Variants in DMD observed in about 807,000 individuals in gnomAD.
The protein encoded by DMD is dystrophin, also known as mutant dystrophin.
Under a neutral mutation model 330.1 loss-of-function variants are expected in DMD, and 63 were observed. The ratio of observed to expected loss-of-function variants is 0.19; its 90% confidence interval spans 0.16 to 0.24. The LOEUF (loss-of-function observed/expected upper bound fraction) is 0.24. Among genes scored for constraint, DMD ranks in the 10% least tolerant of loss-of-function variants. The probability of loss-of-function intolerance (pLI) is 1.00; values close to 1 mark genes in which losing one functional copy is unlikely to be tolerated. For missense variants in DMD, 3,344 were observed against 2,684.1 expected, an observed-to-expected ratio of 1.25 and a Z score of -5.43; for synonymous variants, 1,223 against 959.8, an observed-to-expected ratio of 1.27 and a Z score of -5.07.
At chrX:33,159,734 T>C (rs2048680092) in intron 1 of DMD, 1 of 111,906 alleles carries the variant, frequency 8.9e-6, no homozygotes, top group African/African-American at 3.3e-5. Context: ...GGAATAGTGC[T>C]GCAATAAACA....
intron 2 of DMD, among the ~76,000 whole-genome samples, chrX:32,971,293 G>A (rs1035627625): frequency 2.7e-5 from 3 of 111,421 alleles, no homozygotes; most frequent in African/African-American, 9.8e-5. Flanking sequence ...GTGCAAGATT[G>A]TGCTGTATTT....
intron 40 of DMD, 73 bp downstream of exon 40, chrX:32,343,061 T>C: frequency 1.9e-6 from 2 of 1,046,836 alleles, no homozygotes; most frequent in Non-Finnish European, 2.7e-6. Context: ...ACATCAACAT[T>C]TTAAATATGA....
intron 55 of DMD, among the ~76,000 whole-genome samples, chrX:31,601,855 C>T (rs2077383236): frequency 9.0e-6 from 1 of 110,974 alleles, no homozygotes; most frequent in South Asian, 3.8e-4. Context: ...CGGTTTCTTA[C>T]TATTTGGGCT....
At chrX:31,553,969 G>A (rs1256202879) in intron 55 of DMD, among the ~76,000 whole-genome samples, 2 of 112,374 alleles carry the variant, frequency 1.8e-5, no homozygotes, top group Non-Finnish European at 3.8e-5. Flanking sequence ...GATTTTCAAT[G>A]AATACATATT....
In DMD at chrX:32,853,783, A is replaced by C. The variant is rs781692621; in HGVS notation, c.94-3963T>G. On this transcript the variant is annotated intron_variant, in intron 2 of 78. Transcript: ENST00000357033. ...ACACAGTGACAGAAAAAAAAAAAAA[A>C]AAACAAACAACAACAACAACAACAA... Among the ~76,000 whole-genome samples, 607 of 107,377 alleles carry C rather than the reference A, an allele frequency of 5.7e-3. 7 individuals are homozygous for C. Among genetic ancestry groups the C allele is most frequent in the African/African-American group, 0.019 (571 of 29,670 alleles). The allele number at this position is 107,377 out of a possible 115,157, so 93.2% of individuals were successfully genotyped here. A position where few individuals can be genotyped will look rare whatever the true frequency, so the allele number is the denominator to read the frequency against.
intron 63 of DMD, among the ~76,000 whole-genome samples, chrX:31,250,710 T>C (rs889530733): frequency 1.8e-5 from 2 of 111,720 alleles, no homozygotes; most frequent in African/African-American, 3.3e-5. Context: ...AACTTGACTG[T>C]TGAGTTACAT....
chrX:32,565,710 T>G lies in DMD; in HGVS notation c.1984A>C (p.Thr662Pro). 8.3e-7 allele frequency: 1 copy of G among 1,211,321 alleles called. No individual in the cohort carries two copies. The highest frequency in any genetic ancestry group is 3.0e-5 in the East Asian group (1 of 33,836). ...DNLVQKLEKS[T>P]AQISQAVTTT... is the part of the protein sequence containing the mutation. The stretch of plus-strand genomic sequence containing the variant: ...TAATTGGTATCACTAACCTGTGCTG[T>G]ACTCTTTTCAAGTTTTTGGACTAAA... The change falls in exon 16 of 79, where the codon ACA becomes CCA. Residue 662 changes from threonine (T) to proline (P), a missense_variant. Transcript: ENST00000357033.
At chrX:31,642,637 T>C (rs2079838133) in intron 54 of DMD, among the ~76,000 whole-genome samples, 1 of 110,201 alleles carries the variant, frequency 9.1e-6, no homozygotes, top group African/African-American at 3.3e-5. Flanking sequence ...CACAGAAGCA[T>C]AGTTATCATT....
chrX:31,388,886 A>C (rs1265202761), intron 60 of DMD, among the ~76,000 whole-genome samples: 1 of 112,568 alleles, frequency 8.9e-6, no homozygotes, highest in Non-Finnish European at 1.9e-5. Flanking sequence ...TGGGTGACAG[A>C]GTGAGACTCC....
At chrX:32,649,412 G>C (rs2059987106) in intron 9 of DMD, among the ~76,000 whole-genome samples, 1 of 109,074 alleles carries the variant, frequency 9.2e-6, no homozygotes, top group African/African-American at 3.4e-5. Context: ...AAATTAGCCG[G>C]GCGCGGTGGC....
At chrX:32,436,669 A>G (rs1282000139) in intron 29 of DMD, among the ~76,000 whole-genome samples, 1 of 111,629 alleles carries the variant, frequency 9.0e-6, no homozygotes, top group East Asian at 2.8e-4. Flanking sequence ...AATGTCAAAC[A>G]CTGAAGTTGG....
intron 13 of DMD, among the ~76,000 whole-genome samples, chrX:32,576,321 G>A (rs1379960071): frequency 9.0e-6 from 1 of 110,861 alleles, no homozygotes; most frequent in Non-Finnish European, 1.9e-5. Flanking sequence ...TTTTTTTCTT[G>A]CCTTATTAAG....
intron 44 of DMD, among the ~76,000 whole-genome samples, chrX:32,022,296 T>C (rs1489289403): frequency 8.9e-6 from 1 of 111,997 alleles, no homozygotes; most frequent in African/African-American, 3.2e-5. Flanking sequence ...AATTTGAGCA[T>C]AGCAACGATA....
chrX:32,831,649 C>CGTGTGTGTGTGTGT (rs6151283), intron 4 of DMD, among the ~76,000 whole-genome samples: 7 of 89,767 alleles, frequency 7.8e-5, no homozygotes, highest in African/African-American at 1.7e-4. Flanking sequence ...AAGATATTTA[C>CGTGTGTGTGTGTGT]GTGTGTGTGT....
At chrX:33,011,054 A>G (rs2093692759) in intron 2 of DMD, among the ~76,000 whole-genome samples, 1 of 111,681 alleles carries the variant, frequency 9.0e-6, no homozygotes, top group Admixed American at 9.6e-5. Flanking sequence ...ACTCTACAAA[A>G]ATGGTAGCCT....
chrX:32,827,308 A>C (rs2078796356), intron 4 of DMD, among the ~76,000 whole-genome samples: 1 of 111,295 alleles, frequency 9.0e-6, no homozygotes. Context: ...GGAATGAAGA[A>C]AAGTATCAGG....
At chrX:32,165,666 T>A (rs145303204) in intron 44 of DMD, among the ~76,000 whole-genome samples, 1,134 of 111,838 alleles carry the variant, frequency 0.01, 21 homozygotes, top group African/African-American at 0.035. Context: ...GGTTTTGAAA[T>A]GTGAAAGGGA....
intron 4 of DMD, among the ~76,000 whole-genome samples, chrX:32,834,215 T>A (rs2079405533): frequency 9.0e-6 from 1 of 111,515 alleles, no homozygotes; most frequent in Non-Finnish European, 1.9e-5. Context: ...TTAATACATA[T>A]AAAGTGCAAA....
At chrX:32,775,236 T>C (rs2074019942) in intron 7 of DMD, among the ~76,000 whole-genome samples, 1 of 112,417 alleles carries the variant, frequency 8.9e-6, no homozygotes, top group Admixed American at 9.4e-5. Context: ...CTGCAGCTTT[T>C]CTAAGTGCAT....
Sources: allele counts gnomAD v4.1 joint callset (sites outside exome capture counted in the v4.1 genomes callset), GRCh38; gene constraint gnomAD v4.1.1; transcripts MANE v1.5; gene names NCBI Gene and HGNC (gene_info 2026-07-23, HGNC 2026-07-21).